The following HIVEP1 variants were observed in gnomAD, a reference collection of about 807,000 sequenced individuals.
HIVEP1 encodes the protein zinc finger protein 40.
In HIVEP1, 36 loss-of-function variants were observed where a neutral mutation model predicts 180.0. The observed-to-expected ratio is 0.20, with a 90% confidence interval of 0.15 to 0.26. The LOEUF is 0.26. Among genes scored for constraint, HIVEP1 ranks in the 10% least tolerant of loss-of-function variants. The pLI is 1.00. For missense variants in HIVEP1, 3,143 were observed against 3,268.7 expected (o/e 0.96, Z 0.94); for synonymous variants, 1,239 against 1,239.0 (o/e 1.00, Z 0.00).
intron 3 of HIVEP1, among the ~76,000 whole-genome samples, chr6:12,117,621 A>G (rs1458845097): frequency 6.6e-6 from 1 of 152,218 alleles, no homozygotes; most frequent in Non-Finnish European, 1.5e-5. Context: ...TGAATAACAT[A>G]ACTTTATCTA....
chr6:12,125,936 C>G, intron 4 of HIVEP1, 66 bp downstream of exon 4: 1 of 870,860 alleles, frequency 1.1e-6, no homozygotes, highest in African/African-American at 1.7e-5. Flanking sequence ...GTCTTGATAC[C>G]TTTAAATATT....
rs748956899 is a variant in HIVEP1 at position 12,124,086 on chromosome 6, C to A, written c.4291C>A (p.Arg1431=). The A allele has an allele frequency of 6.2e-7, 1 of 1,613,996 alleles. No individual in the cohort carries two copies. The highest frequency in any genetic ancestry group is 1.1e-5 in the South Asian group (1 of 91,068). Residue 1431 remains arginine (R), a synonymous_variant, in exon 4 of 9, where the codon CGG becomes AGG. Coordinates refer to ENST00000379388, the MANE Select transcript of HIVEP1 (RefSeq NM_002114.4). The part of the protein sequence containing the change: ...LLERRRGPLV[R]QISLNIAPDS... ...AGAAAGAAGGAGAGGCCCACTGGTA[C>A]GGCAAATATCTTTAAACATAGCCCC... is the stretch of plus-strand genomic sequence containing the variant.
At chr6:12,129,323 A>C (rs1326767619) in intron 4 of HIVEP1, among the ~76,000 whole-genome samples, 1 of 152,234 alleles carries the variant, frequency 6.6e-6, no homozygotes, top group Non-Finnish European at 1.5e-5. Context: ...GATGTTTCTA[A>C]TGGGTATGAG....
the HIVEP1 span, among the ~76,000 whole-genome samples, chr6:12,177,064 CAG>C: frequency 2.6e-5 from 4 of 152,086 alleles, no homozygotes; most frequent in African/African-American, 9.7e-5. Context: ...AACGCAGGAA[CAG>C]AAAAACAAAC....
Position 12,123,380 on chromosome 6 carries a change from G to C in HIVEP1, c.3585G>C (p.Gln1195His). 1.2e-6 allele frequency: 2 copies of C among 1,614,188 alleles called. No individual in the cohort carries two copies. The highest frequency in any genetic ancestry group is 1.7e-6 in the Non-Finnish European group (2 of 1,180,030). ...CTCGGGACGGGTCTCATCCTCACCA[G>C]CTTGCACTATCAGACGCTCTCAGAG... The part of the protein sequence containing the change: ...HPSRDGSHPH[Q>H]LALSDALRGE... The change falls in exon 4 of 9, where the codon CAG becomes CAC. Residue 1195 changes from glutamine to histidine, a missense_variant. Around this residue, in one of 12 missense-constraint regions of HIVEP1, gnomAD observed 1,357 missense variants for 1,260.5 expected, o/e 1.08. Transcript: ENST00000379388.
chr6:12,046,504 G>C lies in HIVEP1; in HGVS notation c.40+30836G>C, dbSNP rs149380350. 4.0e-3 allele frequency among the ~76,000 whole-genome samples: 604 copies of C among 152,304 alleles called. 3 individuals carry two copies. The highest frequency in any genetic ancestry group is 0.014 in the African/African-American group (573 of 41,574). ...AGTTAGAATCCTGGGTTGCTGGCCAGGTGCGGTGGCTCACGCCTGTAATCT... is the reference window on the plus strand; with the variant it reads ...AGTTAGAATCCTGGGTTGCTGGCCACGTGCGGTGGCTCACGCCTGTAATCT... On this transcript the variant is annotated intron_variant, in intron 2 of 8. Transcript: ENST00000379388.
At chr6:12,009,055 G>A (rs1353925601), upstream of HIVEP1, among the ~76,000 whole-genome samples, 1 of 151,328 alleles carries the variant, frequency 6.6e-6, no homozygotes, top group African/African-American at 2.4e-5. Flanking sequence ...GAGGGCCGAG[G>A]GGAGGGACGA....
intron 3 of HIVEP1, among the ~76,000 whole-genome samples, chr6:12,116,054 C>T (rs1247733438): frequency 1.3e-5 from 2 of 152,000 alleles, no homozygotes; most frequent in Non-Finnish European, 2.9e-5. Flanking sequence ...TCCTTCTCTT[C>T]ATACCAATTT....
chr6:12,135,497 A>G (rs1734420059), intron 6 of HIVEP1, among the ~76,000 whole-genome samples: 4 of 152,246 alleles, frequency 2.6e-5, no homozygotes, highest in Admixed American at 2.6e-4. Flanking sequence ...CTTTAAATTA[A>G]GTATGTATAA....
At chr6:12,135,051 A>G (rs1758629774) in intron 6 of HIVEP1, among the ~76,000 whole-genome samples, 1 of 152,208 alleles carries the variant, frequency 6.6e-6, no homozygotes. Context: ...AAAAAAATTA[A>G]AAGGCCTTAT....
At chr6:12,129,655 T>A in intron 4 of HIVEP1, 104 bp from the exon 5 acceptor site, 2 of 905,984 alleles carry the variant, frequency 2.2e-6, no homozygotes, top group East Asian at 5.1e-5. Flanking sequence ...TGCATTTCGT[T>A]GACCATATGC....
intron 3 of HIVEP1, among the ~76,000 whole-genome samples, chr6:12,110,460 C>G (rs1210412538): frequency 6.6e-6 from 1 of 152,238 alleles, no homozygotes; most frequent in African/African-American, 2.4e-5. Context: ...GCTGCAGCTT[C>G]TACATTAACA....
intron 2 of HIVEP1, among the ~76,000 whole-genome samples, chr6:12,042,070 C>T (rs1010253285): frequency 1.4e-5 from 2 of 147,848 alleles, no homozygotes; most frequent in African/African-American, 2.5e-5. Context: ...AATATTCGTA[C>T]GCTTTTTTTT....
At chr6:12,064,148 A>C (rs576238477) in intron 2 of HIVEP1, among the ~76,000 whole-genome samples, 2 of 152,298 alleles carry the variant, frequency 1.3e-5, no homozygotes, top group East Asian at 3.9e-4. Flanking sequence ...GACACCAAAT[A>C]AATTTTTTTT....
At chr6:12,009,846 T>G (rs1275719802), upstream of HIVEP1, among the ~76,000 whole-genome samples, 3 of 152,244 alleles carry the variant, frequency 2.0e-5, no homozygotes, top group Admixed American at 2.0e-4. Context: ...AATGTCAAAA[T>G]TTACCTATCG....
At chr6:12,099,686 A>G (rs1773996423) in intron 3 of HIVEP1, among the ~76,000 whole-genome samples, 1 of 152,116 alleles carries the variant, frequency 6.6e-6, no homozygotes. Flanking sequence ...ATAGCACAGC[A>G]CTTACTACAG....
intron 3 of HIVEP1, among the ~76,000 whole-genome samples, chr6:12,109,423 C>T (rs1774740604): frequency 1.3e-5 from 2 of 152,244 alleles, no homozygotes; most frequent in Admixed American, 6.5e-5. Context: ...AGTCAGTCCT[C>T]TCAAAGTCTG....
At chr6:12,076,606 G>A (rs1174344791) in intron 2 of HIVEP1, among the ~76,000 whole-genome samples, 1 of 152,176 alleles carries the variant, frequency 6.6e-6, no homozygotes, top group Admixed American at 6.5e-5. Context: ...TCACATGGCT[G>A]AAGAGCGGAA....
chr6:12,115,086 C>A (rs1454091865), intron 3 of HIVEP1, among the ~76,000 whole-genome samples: 3 of 152,124 alleles, frequency 2.0e-5, no homozygotes, highest in African/African-American at 7.2e-5. Flanking sequence ...GTTTATCATC[C>A]CTACTACTTA....
Sources: allele counts gnomAD v4.1 joint callset (sites outside exome capture counted in the v4.1 genomes callset), GRCh38; gene constraint gnomAD v4.1.1; regional missense constraint gnomAD v4.1.1; transcripts MANE v1.5; gene names NCBI Gene and HGNC (gene_info 2026-07-23, HGNC 2026-07-21).